HMOX1: variants seen among roughly 807,000 people sequenced by gnomAD.
The protein encoded by HMOX1 is heme oxygenase 1.
Under a neutral mutation model 27.8 loss-of-function variants are expected in HMOX1, and 22 were observed. That is an observed-to-expected ratio of 0.79 (90% CI 0.57 to 1.13). The LOEUF is 1.13. HMOX1 is among the 50% of genes most tolerant of loss of function. The pLI is 0.00. For synonymous variants in HMOX1, 153 were observed against 151.6 expected (o/e 1.01, Z -0.07); for missense variants, 379 against 377.7 (o/e 1.00, Z -0.03).
At chr22:35,389,770 A>C in intron 3 of HMOX1, 94 bp from the exon 4 acceptor site, 1 of 879,046 alleles carries the variant, frequency 1.1e-6, no homozygotes, top group Non-Finnish European at 1.9e-6. Flanking sequence ...TGTTATTTCC[A>C]AAGTATTTCC....
chr22:35,381,380 C>T, intron 1 of HMOX1, 184 bp downstream of exon 1: 5 of 670,152 alleles, frequency 7.5e-6, no homozygotes, highest in South Asian at 7.4e-5. Flanking sequence ...GAGGGAGGAA[C>T]GGTAATTTAC....
intron 4 of HMOX1, among the ~76,000 whole-genome samples, chr22:35,392,988 T>A (rs17885902): frequency 6.6e-6 from 1 of 152,144 alleles, no homozygotes; most frequent in Non-Finnish European, 1.5e-5. Flanking sequence ...AGTGCTGGGA[T>A]TACAGGCGTG....
intron 3 of HMOX1, among the ~76,000 whole-genome samples, chr22:35,388,649 T>C (rs916525697): frequency 6.6e-6 from 1 of 151,474 alleles, no homozygotes; most frequent in South Asian, 2.1e-4. Flanking sequence ...CAAAAAAAAT[T>C]AGCTGGGCAT....
At chr22:35,391,304 TC>T (rs1285065186) in intron 4 of HMOX1, among the ~76,000 whole-genome samples, 1 of 145,734 alleles carries the variant, frequency 6.9e-6, no homozygotes, top group Non-Finnish European at 1.5e-5. Flanking sequence ...TTTTTTTTTT[TC>T]GTTTGAGACA....
intron 2 of HMOX1, among the ~76,000 whole-genome samples, chr22:35,384,604 G>T (rs1211211717): frequency 6.6e-6 from 1 of 151,930 alleles, no homozygotes; most frequent in South Asian, 2.1e-4. Flanking sequence ...AAGTCACAGG[G>T]TTCTAAGGAG....
chr22:35,387,209 C>T, intron 3 of HMOX1, 33 bp downstream of exon 3: 1 of 1,612,748 alleles, frequency 6.2e-7, no homozygotes, highest in South Asian at 1.1e-5. Flanking sequence ...CAGCCTCTGC[C>T]TCCCCCCGTT....
intron 1 of HMOX1, 90 bp downstream of exon 1, chr22:35,381,286 C>A: frequency 6.9e-7 from 1 of 1,439,366 alleles, no homozygotes; most frequent in Non-Finnish European, 9.4e-7. Flanking sequence ...TGCCACACAG[C>A]GACAGAGCCC....
chr22:35,391,624 C>T (rs1433499055), intron 4 of HMOX1, among the ~76,000 whole-genome samples: 11 of 119,690 alleles, frequency 9.2e-5, no homozygotes, highest in Non-Finnish European at 1.3e-4. Context: ...GACAGGGTCT[C>T]GCTCTTTCAC....
chr22:35,388,809 C>CAA (rs573199237), intron 3 of HMOX1, among the ~76,000 whole-genome samples: 7,332 of 146,590 alleles, frequency 0.05, 634 homozygotes, highest in African/African-American at 0.18. Flanking sequence ...AAACAAAAAA[C>CAA]AAACAAAAAA....
intron 3 of HMOX1, among the ~76,000 whole-genome samples, chr22:35,389,583 C>T (rs1280410395): frequency 6.6e-6 from 1 of 151,436 alleles, no homozygotes; most frequent in Non-Finnish European, 1.5e-5. Flanking sequence ...GCTGGGATTA[C>T]AGGCATGCAC....
intron 3 of HMOX1, among the ~76,000 whole-genome samples, chr22:35,387,410 G>T (rs544102375): frequency 1.3e-5 from 2 of 152,192 alleles, no homozygotes; most frequent in Non-Finnish European, 2.9e-5. Flanking sequence ...GACTTATAAG[G>T]CTTGAGTGAA....
At position 35,389,893 on chromosome 22, in the gene HMOX1, C is replaced by G; in HGVS notation, c.666C>G (p.Thr222=). The part of the protein sequence containing the change: ...QLFEELQELL[T]HDTKDQSPSR... ...TTGAGGAGTTGCAGGAGCTGCTGAC[C>G]CATGACACCAAGGACCAGAGCCCCT... The change falls in exon 4 of 5, where the codon ACC becomes ACG. Residue 222 remains threonine, a synonymous_variant. Transcript: ENST00000216117. The G allele has an allele frequency of 6.2e-7, 1 of 1,611,408 alleles. No homozygotes were observed. Among genetic ancestry groups the G allele is most frequent in the Non-Finnish European group, 8.5e-7 (1 of 1,179,480 alleles).
intron 4 of HMOX1, 136 bp downstream of exon 4, chr22:35,390,099 C>G (rs1931676339): frequency 1.4e-6 from 1 of 720,854 alleles, no homozygotes; most frequent in Non-Finnish European, 2.5e-6. Flanking sequence ...CCCCACCCCA[C>G]TGCCCCTGTA....
At chr22:35,389,263 TCTCTCTCTCTCCTCTC>T (rs1316974497) in intron 3 of HMOX1, among the ~76,000 whole-genome samples, 1 of 129,388 alleles carries the variant, frequency 7.7e-6, no homozygotes, top group Non-Finnish European at 1.5e-5. Context: ...TCTCTCTCTC[TCTCTCTCTCTCCTCTC>T]TCTCTCTCTC....
At chr22:35,385,609 CTTTTTTTTTTT>C (rs71191362) in intron 2 of HMOX1, among the ~76,000 whole-genome samples, 1 of 94,200 alleles carries the variant, frequency 1.1e-5, no homozygotes, top group African/African-American at 4.4e-5. Flanking sequence ...CCATACCTGG[CTTTTTTTTTTT>C]TTTTTTTTTT....
intron 2 of HMOX1, among the ~76,000 whole-genome samples, chr22:35,383,917 G>A (rs1442641876): frequency 1.3e-5 from 2 of 152,020 alleles, no homozygotes; most frequent in Non-Finnish European, 2.9e-5. Flanking sequence ...TGAAGAACCG[G>A]GAAGATACTG....
rs776441204 is a variant in HMOX1 at position 35,387,186 on chromosome 22, G to A, written c.636+10G>A. 7.4e-6 allele frequency: 12 copies of A among 1,612,942 alleles called. No homozygotes were observed. The highest frequency in any genetic ancestry group is 4.5e-5 in the East Asian group (2 of 44,888). ...CCTGCTCAACATCCAGGTGAGGGTC[G>A]GGCAGCCTGGGGCAGCCTCTGCCTC... On this transcript the variant is annotated intron_variant, in intron 3 of 4. Coordinates refer to ENST00000216117, the MANE Select transcript of HMOX1 (RefSeq NM_002133.3).
rs750919042 is a variant in HMOX1 at position 35,387,071 on chromosome 22, G to A, written c.531G>A (p.Lys177=). Residue 177 remains lysine, a synonymous_variant, in exon 3 of 5, where the codon AAG becomes AAA. Coordinates refer to ENST00000216117, the MANE Select transcript of HMOX1 (RefSeq NM_002133.3). The part of the protein sequence containing the change: ...FTFPNIASAT[K]FKQLYRSRMN... The stretch of plus-strand genomic sequence containing the variant: ...TCCCCAACATTGCCAGTGCCACCAA[G>A]TTCAAGCAGCTCTACCGCTCCCGCA... 1.2e-6 allele frequency: 2 copies of A among 1,613,644 alleles called. No homozygotes were observed. The highest frequency in any genetic ancestry group is 1.7e-5 in the Admixed American group (1 of 60,028).
At chr22:35,386,580 G>C in intron 2 of HMOX1, 105 bp from the exon 3 acceptor site, 1 of 1,420,180 alleles carries the variant, frequency 7.0e-7, no homozygotes, top group Middle Eastern at 1.8e-4. Context: ...TCAGAGCCCA[G>C]CTGCGAAGTG....
Sources: gnomAD v4.1 joint callset for allele counts (sites outside exome capture counted in the v4.1 genomes callset) on GRCh38, gnomAD v4.1.1 for gene constraint, MANE v1.5 for transcripts, NCBI Gene and HGNC (gene_info 2026-07-23, HGNC 2026-07-21) for gene names.